Variants in CRPPA observed in about 807,000 individuals in gnomAD.
The protein encoded by CRPPA is D-ribitol-5-phosphate cytidylyltransferase.
In CRPPA, 43 loss-of-function variants were observed where a neutral mutation model predicts 52.0. The observed-to-expected ratio is 0.83, with a 90% CI of 0.65 to 1.07. CRPPA has a LOEUF of 1.07. Ranked by LOEUF, CRPPA falls within the 50% of genes least tolerant of loss-of-function variation. The pLI, the probability that CRPPA is intolerant of heterozygous loss-of-function variation, is 0.00. For synonymous variants in CRPPA, 250 were observed against 203.5 expected (o/e 1.23, Z -1.94); for missense variants, 629 against 551.7 (o/e 1.14, Z -1.40).
At chr7:16,185,471 A>C (rs1320915423) in intron 9 of CRPPA, among the ~76,000 whole-genome samples, 1 of 152,208 alleles carries the variant, frequency 6.6e-6, no homozygotes, top group Non-Finnish European at 1.5e-5. Context: ...TCATGTTTAT[A>C]GTAGTGTTAT....
intron 1 of CRPPA, among the ~76,000 whole-genome samples, chr7:16,414,832 G>A (rs1788157493): frequency 6.6e-6 from 1 of 152,188 alleles, no homozygotes; most frequent in Admixed American, 6.5e-5. Context: ...CCAGCATAAA[G>A]TAGAAATGAG....
Position 16,400,155 on chromosome 7 carries a change from G to A in CRPPA, c.534+5906C>T, listed in dbSNP as rs559163694. Among the ~76,000 whole-genome samples, 71 of 152,218 alleles carry A rather than the reference G, an allele frequency of 4.7e-4. No homozygotes were observed. The South Asian group carries it at 0.015, about 31-fold the overall frequency. On this transcript the variant is annotated intron_variant, in intron 2 of 9. Transcript: ENST00000407010. The stretch of plus-strand genomic sequence containing the variant: ...AACATGGTTGACACGTGATTGACAT[G>A]ATTGACGTGATGACACGTTTGTGAC...
intron 3 of CRPPA, among the ~76,000 whole-genome samples, chr7:16,369,760 T>C (rs1178422678): frequency 6.6e-6 from 1 of 152,148 alleles, no homozygotes; most frequent in Non-Finnish European, 1.5e-5. Context: ...GAGATTCACA[T>C]TGTGATTTTT....
At chr7:16,307,614 A>G (rs1784939547) in intron 4 of CRPPA, among the ~76,000 whole-genome samples, 2 of 132,550 alleles carry the variant, frequency 1.5e-5, no homozygotes, top group Non-Finnish European at 3.1e-5. Context: ...TTGGAGGTGG[A>G]GGTTACAATG....
At chr7:16,266,068 G>A (rs373720617) in intron 6 of CRPPA, among the ~76,000 whole-genome samples, 6 of 152,170 alleles carry the variant, frequency 3.9e-5, no homozygotes, top group African/African-American at 1.4e-4. Context: ...AGTCAACTCC[G>A]GGGGAAGGGG....
At chr7:16,205,230 T>A (rs1037777082) in intron 9 of CRPPA, among the ~76,000 whole-genome samples, 3 of 152,198 alleles carry the variant, frequency 2.0e-5, no homozygotes, top group Admixed American at 6.6e-5. Flanking sequence ...ACAAAAGGCA[T>A]GCATTTTTAA....
chr7:16,300,458 T>C (rs1481258792), intron 5 of CRPPA, among the ~76,000 whole-genome samples: 1 of 152,218 alleles, frequency 6.6e-6, no homozygotes, highest in Non-Finnish European at 1.5e-5. Context: ...AAGCATCACA[T>C]GTGTTTCAGG....
At chr7:16,105,727 C>T (rs542641126) in intron 9 of CRPPA, among the ~76,000 whole-genome samples, 4 of 152,248 alleles carry the variant, frequency 2.6e-5, no homozygotes, top group South Asian at 4.1e-4. Context: ...GAGTCCTAGA[C>T]ATCGTAAGTC....
At chr7:16,382,027 T>C (rs1787106166) in intron 2 of CRPPA, among the ~76,000 whole-genome samples, 1 of 151,788 alleles carries the variant, frequency 6.6e-6, no homozygotes, top group Non-Finnish European at 1.5e-5. Context: ...AATTTGATCC[T>C]GTCATGATGA....
At chr7:16,197,761 T>C (rs1343634160) in intron 9 of CRPPA, among the ~76,000 whole-genome samples, 1 of 150,630 alleles carries the variant, frequency 6.6e-6, no homozygotes, top group Non-Finnish European at 1.5e-5. Flanking sequence ...TTACTGTGTC[T>C]GTGTAGAAAG....
At chr7:16,255,998 G>C (rs547986207) in intron 8 of CRPPA, among the ~76,000 whole-genome samples, 1 of 152,162 alleles carries the variant, frequency 6.6e-6, no homozygotes, top group Non-Finnish European at 1.5e-5. Context: ...CCATCAGAGT[G>C]AACAGGCAAC....
At chr7:16,378,933 C>T (rs1328664977) in intron 2 of CRPPA, among the ~76,000 whole-genome samples, 4 of 152,246 alleles carry the variant, frequency 2.6e-5, no homozygotes, top group South Asian at 4.2e-4. Flanking sequence ...CTGTTCATCT[C>T]CTTCACCCAC....
intron 2 of CRPPA, among the ~76,000 whole-genome samples, chr7:16,404,549 CA>C (rs967178754): frequency 3.5e-5 from 5 of 143,076 alleles, no homozygotes; most frequent in East Asian, 4.1e-4. Context: ...TCAACAACAA[CA>C]AAAAAAATTG....
chr7:16,127,445 A>G lies in CRPPA; in HGVS notation c.1252-35646T>C, dbSNP rs17532152. ...AAACATAAAAAGGTATAAAATAAGTACTAATAGAGTATAATAAGTAGTTGG... is the reference window on the plus strand; with the variant it reads ...AAACATAAAAAGGTATAAAATAAGTGCTAATAGAGTATAATAAGTAGTTGG... On this transcript the variant is annotated intron_variant, in intron 9 of 9. Coordinates refer to ENST00000407010, the MANE Select transcript of CRPPA (RefSeq NM_001101426.4). Among the ~76,000 whole-genome samples the G allele has an allele frequency of 2.2e-3, 330 of 152,206 alleles. No individual in the cohort carries two copies. In the East Asian group the frequency reaches 0.027, roughly 13 times the overall value.
At position 16,260,104 on chromosome 7, in the gene CRPPA, G is replaced by C. The variant is rs565773729; in HGVS notation, c.934-1092C>G. 2.6e-5 allele frequency among the ~76,000 whole-genome samples: 4 copies of C among 151,984 alleles called. No individual in the cohort carries two copies. In the East Asian group the frequency reaches 7.7e-4, roughly 29 times the overall value. ...AAAAAGAAACCAGTATCCATTCTGC[G>C]ATAGTAAGTTTGATCAAGTGGTAAC... On this transcript the variant is annotated intron_variant, in intron 6 of 9. Transcript: ENST00000407010.
chr7:16,215,055 G>A (rs1782267150), intron 9 of CRPPA, among the ~76,000 whole-genome samples: 1 of 152,126 alleles, frequency 6.6e-6, no homozygotes, highest in African/African-American at 2.4e-5. Context: ...ACAAAACCAA[G>A]GGATTAGCTA....
intron 3 of CRPPA, among the ~76,000 whole-genome samples, chr7:16,325,801 T>C (rs6461235): frequency 0.45 from 68,454 of 151,730 alleles, 15,705 homozygotes; most frequent in South Asian, 0.6. Context: ...ACAAAGGATT[T>C]GATTTTTAAC....
At chr7:16,093,028 C>T (rs1025020593) in intron 9 of CRPPA, among the ~76,000 whole-genome samples, 13 of 152,090 alleles carry the variant, frequency 8.5e-5, no homozygotes, top group African/African-American at 3.1e-4. Flanking sequence ...TGAAATCTAC[C>T]CTGACTCTAT....
intron 8 of CRPPA, among the ~76,000 whole-genome samples, chr7:16,221,374 C>T (rs959567255): frequency 7.2e-5 from 11 of 152,148 alleles, no homozygotes; most frequent in Non-Finnish European, 1.0e-4. Flanking sequence ...CCATTCAGGA[C>T]ATAGGCATGG....
Sources: gnomAD v4.1 joint callset for allele counts (sites outside exome capture counted in the v4.1 genomes callset) on GRCh38, gnomAD v4.1.1 for gene constraint, MANE v1.5 for transcripts, NCBI Gene and HGNC (gene_info 2026-07-23, HGNC 2026-07-21) for gene names.